Variants in DLC1 observed in about 807,000 individuals in gnomAD.
The protein encoded by DLC1 is rho GTPase-activating protein 7.
DLC1 carries 54 observed loss-of-function variants against 140.3 expected under a neutral mutation model. The observed-to-expected ratio is 0.38, with a 90% CI of 0.31 to 0.48. DLC1 has a LOEUF of 0.48. Among genes scored for constraint, DLC1 ranks in the 20% least tolerant of loss-of-function variants. The pLI is 0.96. For synonymous variants in DLC1, 986 were observed against 728.1 expected, an observed-to-expected ratio of 1.35 and a Z score of -5.70; for missense variants, 2,536 against 1,907.0, an observed-to-expected ratio of 1.33 and a Z score of -6.14.
At position 13,237,712 on chromosome 8, in the gene DLC1, C is replaced by T. The variant is rs112049622; in HGVS notation, c.1348+67557G>A. On this transcript the variant is annotated intron_variant, in intron 5 of 17. Transcript: ENST00000276297. ...CCACTTATGAGAGGATGCACATATG[C>T]TATTCCGGGAGATGGTCAAGCTTTT... 3.9e-4 allele frequency among the ~76,000 whole-genome samples: 60 copies of T among 152,114 alleles called. 1 individual carries two copies. The highest frequency in any genetic ancestry group is 3.4e-4 in the Non-Finnish European group (23 of 68,024).
intron 5 of DLC1, among the ~76,000 whole-genome samples, chr8:13,294,260 C>T (rs558098415): frequency 6.6e-6 from 1 of 152,256 alleles, no homozygotes; most frequent in Non-Finnish European, 1.5e-5. Context: ...CCTAATTATT[C>T]ATGAAATAAG....
chr8:13,480,809 C>A (rs560145601), intron 2 of DLC1, among the ~76,000 whole-genome samples: 1 of 152,226 alleles, frequency 6.6e-6, no homozygotes, highest in East Asian at 1.9e-4. Context: ...GAGGCTGAGG[C>A]AGGAGAATCG....
chr8:13,452,115 G>C (rs185341060), intron 2 of DLC1, among the ~76,000 whole-genome samples: 77 of 151,650 alleles, frequency 5.1e-4, no homozygotes, highest in African/African-American at 1.8e-3. Context: ...TTATATAAAA[G>C]ATGCAATAAA....
chr8:13,291,554 A>T (rs1169677414), intron 5 of DLC1, among the ~76,000 whole-genome samples: 1 of 152,236 alleles, frequency 6.6e-6, no homozygotes, highest in Non-Finnish European at 1.5e-5. Flanking sequence ...ATATAAATTC[A>T]TAGAAGTGAT....
At chr8:13,104,257 T>G (rs963899851) in intron 7 of DLC1, among the ~76,000 whole-genome samples, 2 of 152,064 alleles carry the variant, frequency 1.3e-5, no homozygotes, top group African/African-American at 2.4e-5. Context: ...AGCCATCCTA[T>G]TGTCATTTTG....
chr8:13,398,251 C>T (rs28498073), intron 3 of DLC1, among the ~76,000 whole-genome samples: 11,364 of 151,094 alleles, frequency 0.075, 1,428 homozygotes, highest in African/African-American at 0.26. Flanking sequence ...AGAGCAATTC[C>T]AGAAAGAGAG....
chr8:13,544,197 AACACACACACAC>A (rs3988455), intron 1 of DLC1, among the ~76,000 whole-genome samples: 13 of 144,850 alleles, frequency 9.0e-5, no homozygotes, highest in South Asian at 2.2e-4. Context: ...CACACACACA[AACACACACACAC>A]ACACACACAC....
intron 4 of DLC1, among the ~76,000 whole-genome samples, chr8:13,386,201 A>T (rs927915453): frequency 1.3e-5 from 2 of 152,192 alleles, no homozygotes; most frequent in Non-Finnish European, 2.9e-5. Flanking sequence ...CTTAGGTTGC[A>T]GGAATGATTT....
chr8:13,168,480 T>C (rs1452428381), intron 5 of DLC1, among the ~76,000 whole-genome samples: 1 of 152,208 alleles, frequency 6.6e-6, no homozygotes, highest in Non-Finnish European at 1.5e-5. Context: ...TTATTCCTGT[T>C]ATGGAAATAA....
At position 13,098,396 on chromosome 8, in the gene DLC1, T is replaced by C. The variant is rs1818691892; in HGVS notation, c.3167+3A>G. The C allele has an allele frequency of 6.2e-7, 1 of 1,613,968 alleles. No individual in the cohort carries two copies. The highest frequency in any genetic ancestry group is 8.5e-7 in the Non-Finnish European group (1 of 1,179,906). The stretch of plus-strand genomic sequence containing the variant: ...ACAGTTGACTGATCATTTAAACTCT[T>C]ACCAGCTAAAACCATGCTTGTTAGA... On this transcript the variant is annotated splice_donor_region_variant and intron_variant, in intron 10 of 17. Transcript: ENST00000276297.
At chr8:13,178,149 T>C (rs1352865509) in intron 5 of DLC1, among the ~76,000 whole-genome samples, 1 of 152,082 alleles carries the variant, frequency 6.6e-6, no homozygotes, top group Non-Finnish European at 1.5e-5. Flanking sequence ...GAATTGCAGA[T>C]CTAGAAGTGA....
At position 13,306,581 on chromosome 8, in the gene DLC1, TGTGAGA is replaced by T. The variant is rs1168350179; in HGVS notation, c.1315-1285_1315-1280del. On this transcript the variant is annotated intron_variant, in intron 4 of 17. Coordinates refer to ENST00000276297, the MANE Select transcript of DLC1 (RefSeq NM_182643.3). ...GTTTGTGTGTGTGTGTGTGTGTGTG[TGTGAGA>T]GAGAGAGAGAGAGAGGCCCAAGTGC... Among the ~76,000 whole-genome samples the T allele has an allele frequency of 2.5e-3, 372 of 149,504 alleles. 2 individuals carry two copies. Among genetic ancestry groups the T allele is most frequent in the African/African-American group, 8.6e-3 (349 of 40,706 alleles).
At chr8:13,330,968 G>A (rs1284364357) in intron 4 of DLC1, among the ~76,000 whole-genome samples, 2 of 151,986 alleles carry the variant, frequency 1.3e-5, no homozygotes, top group Admixed American at 6.5e-5. Flanking sequence ...GACATGAAGA[G>A]GAAAAAAAAT....
At chr8:13,316,281 G>A (rs569716547) in intron 4 of DLC1, among the ~76,000 whole-genome samples, 1 of 152,268 alleles carries the variant, frequency 6.6e-6, no homozygotes, top group African/African-American at 2.4e-5. Flanking sequence ...TGTGGGTTAG[G>A]TGGATGTGAG....
At chr8:13,090,500 G>T (rs751522547) in intron 14 of DLC1, 30 bp from the exon 15 acceptor site, 62 of 1,610,638 alleles carry the variant, frequency 3.8e-5, no homozygotes, top group Non-Finnish European at 4.9e-5. Context: ...CAGAAAGGAG[G>T]TGAGTCCACC....
chr8:13,199,034 C>T (rs1421203233), intron 5 of DLC1, among the ~76,000 whole-genome samples: 1 of 152,018 alleles, frequency 6.6e-6, no homozygotes, highest in African/African-American at 2.4e-5. Flanking sequence ...ACATTTTGAT[C>T]ACTGAGTTCC....
chr8:13,096,536 G>A (rs761763595), intron 10 of DLC1, among the ~76,000 whole-genome samples: 2 of 152,038 alleles, frequency 1.3e-5, no homozygotes, highest in African/African-American at 4.8e-5. Context: ...TTTGTCGGGG[G>A]AGAAAAGCCC....
intron 5 of DLC1, among the ~76,000 whole-genome samples, chr8:13,280,572 T>C (rs1255731465): frequency 2.0e-5 from 3 of 152,204 alleles, no homozygotes; most frequent in Non-Finnish European, 4.4e-5. Context: ...TTGTCTGATT[T>C]ATACATTTTA....
chr8:13,099,912 T>C lies in DLC1; in HGVS notation c.2425A>G (p.Ile809Val), dbSNP rs1232278061. 6.2e-7 allele frequency: 1 copy of C among 1,613,976 alleles called. No individual in the cohort carries two copies. The highest frequency in any genetic ancestry group is 2.2e-5 in the East Asian group (1 of 44,888). Residue 809 changes from isoleucine (I) to valine (V), a missense_variant, in exon 9 of 18, where the codon ATC (isoleucine) becomes GTC (valine). Physicochemically the swap from Ile to Val is conservative, Grantham distance 29. Coordinates refer to ENST00000276297, the MANE Select transcript of DLC1 (RefSeq NM_182643.3). ...ESYPEDTVFY[I>V]PEDHKPGTFP... ...GTGCCAGGCTTGTGATCTTCAGGGA[T>C]GTAGAACACCGTGTCCTCTGGGTAG...
Sources: allele counts gnomAD v4.1 joint callset (sites outside exome capture counted in the v4.1 genomes callset), GRCh38; gene constraint gnomAD v4.1.1; transcripts MANE v1.5; gene names NCBI Gene and HGNC (gene_info 2026-07-23, HGNC 2026-07-21).